Variants in TAF3 observed in about 807,000 individuals in gnomAD.
TAF3 encodes the protein TATA-box binding protein associated factor 3.
A neutral mutation model predicts 80.6 loss-of-function variants in TAF3; 7 were observed. The observed-to-expected ratio is 0.09, with a 90% confidence interval of 0.05 to 0.16. TAF3 has a LOEUF of 0.16. TAF3 is among the 10% of genes least tolerant of loss of function. The pLI is 1.00. For synonymous variants in TAF3, 444 were observed against 446.1 expected (o/e 1.00, Z 0.06); for missense variants, 921 against 1,140.2 (o/e 0.81, Z 2.77).
rs35695686 is a variant in TAF3 at position 8,009,909 on chromosome 10, C to T, written c.2568+579C>T. Among the ~76,000 whole-genome samples the T allele has an allele frequency of 0.078, 11,832 of 151,736 alleles. 727 individuals are homozygous for T. Among genetic ancestry groups the T allele is most frequent in the African/African-American group, 0.16 (6,486 of 41,278 alleles). ...GTGTGGGATTACAGGCATGAGCCAC[C>T]GTGCCCGGCTTTTTTTTTTTGAAAG... On this transcript the variant is annotated intron_variant, in intron 5 of 6. Coordinates refer to ENST00000344293, the MANE Select transcript of TAF3 (RefSeq NM_031923.4). The surrounding 1 kb of genome is among the most constrained non-coding windows in gnomAD (Gnocchi z 4.1).
At chr10:7,840,070 A>C (rs1309240272) in intron 2 of TAF3, among the ~76,000 whole-genome samples, 1 of 152,130 alleles carries the variant, frequency 6.6e-6, no homozygotes, top group East Asian at 1.9e-4. Context: ...ATGGGGGAGT[A>C]TTTAAGGGAT....
intron 2 of TAF3, among the ~76,000 whole-genome samples, chr10:7,953,691 T>G (rs1165192866): frequency 6.6e-6 from 1 of 152,262 alleles, no homozygotes; most frequent in Non-Finnish European, 1.5e-5. Context: ...TGTGTTTGAT[T>G]AAGGACAGCC....
chr10:7,832,290 G>A (rs1190863666), intron 2 of TAF3, among the ~76,000 whole-genome samples: 1 of 151,906 alleles, frequency 6.6e-6, no homozygotes, highest in Non-Finnish European at 1.5e-5. Flanking sequence ...GAGAACATGT[G>A]GTATGTCTCC....
rs1468623470 is a variant in TAF3 at position 7,818,814 on chromosome 10, G to A, written c.105G>A (p.Thr35=). Residue 35 remains threonine, a synonymous_variant, in exon 1 of 7, where the codon ACG becomes ACA. Transcript: ENST00000344293. ...AGCTCAGCGCCTGCCACCTCCTCAC[G>A]GACGTGCTGCAGCGCTATCTGCAGC... ...SVQLSACHLL[T]DVLQRYLQQL... is the part of the protein sequence containing the mutation. 1.3e-6 allele frequency: 2 copies of A among 1,569,452 alleles called. No individual in the cohort carries two copies. Among genetic ancestry groups the A allele is most frequent in the Admixed American group, 1.9e-5 (1 of 51,624 alleles).
At chr10:7,906,977 C>T (rs1564360964) in intron 2 of TAF3, among the ~76,000 whole-genome samples, 1 of 151,996 alleles carries the variant, frequency 6.6e-6, no homozygotes, top group Non-Finnish European at 1.5e-5. Context: ...GAAGTGTAGC[C>T]TTTCCCTAAC....
intron 2 of TAF3, among the ~76,000 whole-genome samples, chr10:7,919,670 A>G (rs895968354): frequency 5.9e-5 from 9 of 152,140 alleles, no homozygotes; most frequent in Non-Finnish European, 1.3e-4. Context: ...ATAACCTCCC[A>G]TATACTTTAA....
At position 8,009,722 on chromosome 10, in the gene TAF3, A is replaced by G. The variant is rs1232067013; in HGVS notation, c.2568+392A>G. On this transcript the variant is annotated intron_variant, in intron 5 of 6. Coordinates refer to ENST00000344293, the MANE Select transcript of TAF3 (RefSeq NM_031923.4). This position sits in a 1 kb window ranked among gnomAD's most constrained non-coding sequence, Gnocchi z 4.1. The stretch of plus-strand genomic sequence containing the variant: ...CTGCAACCTCCACCTCCCAGGTTCA[A>G]GCGATTCTCCTGCCTCAGCCTCCTG... 2.0e-5 allele frequency among the ~76,000 whole-genome samples: 3 copies of G among 151,936 alleles called. No individual in the cohort carries two copies. Among genetic ancestry groups the G allele is most frequent in the Admixed American group, 1.3e-4 (2 of 15,258 alleles).
intron 2 of TAF3, among the ~76,000 whole-genome samples, chr10:7,953,274 A>G (rs1439272564): frequency 6.6e-6 from 1 of 152,222 alleles, no homozygotes; most frequent in Non-Finnish European, 1.5e-5. Context: ...GCAACATTTT[A>G]AAGATACTGC....
intron 3 of TAF3, among the ~76,000 whole-genome samples, chr10:7,967,804 A>G (rs1470268754): frequency 6.6e-6 from 1 of 152,198 alleles, no homozygotes; most frequent in Non-Finnish European, 1.5e-5. Context: ...TTGCTGCTCC[A>G]TTGGACCATA....
intron 2 of TAF3, among the ~76,000 whole-genome samples, chr10:7,939,103 A>G (rs997008664): frequency 1.3e-5 from 2 of 152,138 alleles, no homozygotes; most frequent in Admixed American, 1.3e-4. Flanking sequence ...GTCATCAGGA[A>G]CTCCAGAAGG....
chr10:7,827,613 C>G (rs1349032158), intron 2 of TAF3, among the ~76,000 whole-genome samples: 1 of 152,066 alleles, frequency 6.6e-6, no homozygotes, highest in Non-Finnish European at 1.5e-5. Context: ...AACCCCGTCT[C>G]TACTAAAGAT....
chr10:7,986,620 A>T (rs893502441), intron 4 of TAF3, among the ~76,000 whole-genome samples: 2 of 152,202 alleles, frequency 1.3e-5, no homozygotes, highest in African/African-American at 2.4e-5. Flanking sequence ...GTCTCCTTTG[A>T]TATTCACTTG....
chr10:7,922,830 A>G (rs947539824), intron 2 of TAF3, among the ~76,000 whole-genome samples: 3 of 152,076 alleles, frequency 2.0e-5, no homozygotes, highest in Admixed American at 6.5e-5. Context: ...AGTTCATTTT[A>G]TCTCAGCCTT....
At chr10:7,899,408 G>A (rs746899299) in intron 2 of TAF3, among the ~76,000 whole-genome samples, 12 of 152,210 alleles carry the variant, frequency 7.9e-5, no homozygotes, top group African/African-American at 1.4e-4. Context: ...GGGACCTGGC[G>A]CCTCTGATCC....
chr10:7,914,534 T>C (rs1201295124), intron 2 of TAF3, among the ~76,000 whole-genome samples: 1 of 152,276 alleles, frequency 6.6e-6, no homozygotes, highest in Non-Finnish European at 1.5e-5. Context: ...CCTGGTATAC[T>C]GCTGACCTGT....
At chr10:7,951,980 G>A (rs1436299669) in intron 2 of TAF3, among the ~76,000 whole-genome samples, 1 of 152,156 alleles carries the variant, frequency 6.6e-6, no homozygotes, top group Admixed American at 6.5e-5. Context: ...GTGGGGAAAG[G>A]AATTGCAATG....
chr10:7,882,357 A>G (rs1837369888), intron 2 of TAF3, among the ~76,000 whole-genome samples: 1 of 152,158 alleles, frequency 6.6e-6, no homozygotes, highest in Non-Finnish European at 1.5e-5. Context: ...TCAGTCTCTC[A>G]ATAGGATCTT....
At position 7,964,343 on chromosome 10, in the gene TAF3, C is replaced by T. The variant is rs1831545323; in HGVS notation, c.833C>T (p.Ser278Phe). ...CCTAAAACAAAGACTAAAACTAGCT[C>T]TCCAGGACAGAAGACTAAATCACCT... is the stretch of plus-strand genomic sequence containing the variant. Reference protein sequence around the residue: ...FTPKTKTKTSSPGQKTKSPKT... With the variant: ...FTPKTKTKTSFPGQKTKSPKT... Residue 278 changes from serine (S) to phenylalanine (F), a missense_variant, in exon 3 of 7, where the codon TCT becomes TTT. Coordinates refer to ENST00000344293, the MANE Select transcript of TAF3 (RefSeq NM_031923.4). The surrounding 1 kb of genome is among the most constrained non-coding windows in gnomAD (Gnocchi z 4.1). The T allele has an allele frequency of 1.2e-6, 2 of 1,614,156 alleles. No homozygotes were observed. The highest frequency in any genetic ancestry group is 2.2e-5 in the East Asian group (1 of 44,892).
chr10:7,839,981 C>T (rs1173416821), intron 2 of TAF3, among the ~76,000 whole-genome samples: 1 of 152,114 alleles, frequency 6.6e-6, no homozygotes, highest in East Asian at 1.9e-4. Flanking sequence ...CTCTGCCTTT[C>T]AAAAAGGTTT....
Sources: gnomAD v4.1 joint callset for allele counts (sites outside exome capture counted in the v4.1 genomes callset) on GRCh38, gnomAD v4.1.1 for gene constraint, Gnocchi (gnomAD v3.1) non-coding constraint, MANE v1.5 for transcripts, NCBI Gene and HGNC (gene_info 2026-07-23, HGNC 2026-07-21) for gene names.